AKAP6: variants seen among roughly 807,000 people sequenced by gnomAD.
AKAP6 encodes A-kinase anchor protein 6.
Under a neutral mutation model 188.5 loss-of-function variants are expected in AKAP6, and 58 were observed. The observed-to-expected ratio is 0.31, with a 90% CI of 0.25 to 0.38. AKAP6 has a LOEUF of 0.38. Ranked by LOEUF, AKAP6 falls within the 10% of genes least tolerant of loss-of-function variation. AKAP6 has a pLI of 1.00. For missense variants in AKAP6, 2,710 were observed against 2,740.0 expected (o/e 0.99, Z 0.24); for synonymous variants, 989 against 998.6 (o/e 0.99, Z 0.18).
At chr14:32,526,635 C>G (rs1237551780) in intron 2 of AKAP6, among the ~76,000 whole-genome samples, 1 of 152,210 alleles carries the variant, frequency 6.6e-6, no homozygotes, top group Non-Finnish European at 1.5e-5. Flanking sequence ...CGACCTTGGC[C>G]TCCCAAAGTG....
At chr14:32,555,638 T>C (rs1486610755) in intron 4 of AKAP6, among the ~76,000 whole-genome samples, 2 of 152,192 alleles carry the variant, frequency 1.3e-5, no homozygotes, top group South Asian at 2.1e-4. Context: ...AACATTCTAC[T>C]TTCTATCTCC....
chr14:32,711,639 A>G (rs1293988872), intron 9 of AKAP6, among the ~76,000 whole-genome samples: 1 of 152,100 alleles, frequency 6.6e-6, no homozygotes, highest in Non-Finnish European at 1.5e-5. Context: ...AAGGCCAAAG[A>G]GGCTCAGATC....
chr14:32,811,988 A>C (rs1411516250), intron 12 of AKAP6, among the ~76,000 whole-genome samples: 2 of 152,190 alleles, frequency 1.3e-5, no homozygotes, highest in African/African-American at 4.8e-5. Context: ...GTAGGTTTTA[A>C]AAAATGTAAG....
chr14:32,331,351 A>C lies in AKAP6; in HGVS notation c.-35+1943A>C, dbSNP rs73254606. 9.6e-3 allele frequency among the ~76,000 whole-genome samples: 1,467 copies of C among 152,170 alleles called. 26 individuals are homozygous for C. Among genetic ancestry groups the C allele is most frequent in the African/African-American group, 0.034 (1,400 of 41,534 alleles). On this transcript the variant is annotated intron_variant, in intron 1 of 13. Transcript: ENST00000280979. ...AGCTAGATTCCTTAAGGGCAGTGTT[A>C]GAAAAAGTGGAGTCATGCTTTGAGG...
chr14:32,709,790 T>C (rs1173271219), intron 9 of AKAP6, among the ~76,000 whole-genome samples: 2 of 152,092 alleles, frequency 1.3e-5, no homozygotes, highest in Non-Finnish European at 2.9e-5. Flanking sequence ...GAATCCATGC[T>C]CTGTAACTAG....
chr14:32,691,416 C>T (rs888876105), intron 8 of AKAP6, among the ~76,000 whole-genome samples: 1 of 152,170 alleles, frequency 6.6e-6, no homozygotes, highest in Non-Finnish European at 1.5e-5. Flanking sequence ...TCAAAAAACA[C>T]ACCTTTGCAG....
chr14:32,348,417 CTT>C (rs71115063), intron 1 of AKAP6, among the ~76,000 whole-genome samples: 135 of 126,158 alleles, frequency 1.1e-3, no homozygotes, highest in South Asian at 3.7e-3. Flanking sequence ...TCTTTTGTTT[CTT>C]TTTTTTTTTT....
At position 32,837,416 on chromosome 14, in the gene AKAP6, G is replaced by A. The variant is rs981320954; in HGVS notation, c.*7611G>A. The A allele has an allele frequency of 6.6e-6, 1 of 152,108 alleles. No individual in the cohort carries two copies. The highest frequency in any genetic ancestry group is 2.4e-5 in the African/African-American group (1 of 41,434). The allele number at this position is 152,108 out of a possible 1,614,324, so 9.4% of individuals were successfully genotyped here. A position where few individuals can be genotyped will look rare whatever the true frequency, so the allele number is the denominator to read the frequency against. On this transcript the variant is annotated 3_prime_UTR_variant, in exon 14 of 14. Transcript: ENST00000280979. ...ATTCAAGGACTTAAAATGATTGAAG[G>A]CATTAGGAACATAAAAATGCATAAG... is the stretch of plus-strand genomic sequence containing the variant.
intron 2 of AKAP6, among the ~76,000 whole-genome samples, chr14:32,457,468 G>A (rs2138807253): frequency 1.3e-5 from 2 of 152,266 alleles, no homozygotes; most frequent in East Asian, 3.9e-4. Flanking sequence ...CAAATATGGT[G>A]AGAGTATTCC....
intron 8 of AKAP6, among the ~76,000 whole-genome samples, chr14:32,683,749 G>A (rs1244210254): frequency 6.6e-6 from 1 of 152,184 alleles, no homozygotes; most frequent in African/African-American, 2.4e-5. Flanking sequence ...ACTAAGTGAT[G>A]CCCAGCATGA....
intron 7 of AKAP6, among the ~76,000 whole-genome samples, chr14:32,658,249 C>A (rs1888536006): frequency 6.6e-6 from 1 of 152,080 alleles, no homozygotes; most frequent in African/African-American, 2.4e-5. Flanking sequence ...TCCTGCCTTG[C>A]AAATGATCAT....
At chr14:32,634,548 C>A (rs958164543) in intron 7 of AKAP6, among the ~76,000 whole-genome samples, 1 of 152,042 alleles carries the variant, frequency 6.6e-6, no homozygotes, top group Non-Finnish European at 1.5e-5. Flanking sequence ...TGAGTTAAAC[C>A]TACTCTGTAT....
At chr14:32,701,428 C>T (rs1310601891) in intron 9 of AKAP6, among the ~76,000 whole-genome samples, 1 of 151,924 alleles carries the variant, frequency 6.6e-6, no homozygotes, top group African/African-American at 2.4e-5. Context: ...ATAATACTTC[C>T]TTTGAAGAAA....
At chr14:32,787,503 A>T (rs998156717) in intron 12 of AKAP6, among the ~76,000 whole-genome samples, 37 of 150,324 alleles carry the variant, frequency 2.5e-4, no homozygotes, top group Non-Finnish European at 4.3e-4. Context: ...GAACAAAAAT[A>T]GATCTAGATT....
intron 5 of AKAP6, among the ~76,000 whole-genome samples, chr14:32,583,984 T>C (rs1017929335): frequency 6.6e-6 from 1 of 152,216 alleles, no homozygotes; most frequent in East Asian, 1.9e-4. Context: ...CTGCACCCAC[T>C]GTCCTGCGCC....
intron 11 of AKAP6, among the ~76,000 whole-genome samples, chr14:32,736,341 A>G (rs191337707): frequency 2.6e-5 from 4 of 152,308 alleles, no homozygotes; most frequent in African/African-American, 9.6e-5. Context: ...CTATTTATGG[A>G]GGGAAGAAAT....
At chr14:32,378,663 G>A (rs2138542107) in intron 1 of AKAP6, among the ~76,000 whole-genome samples, 1 of 152,264 alleles carries the variant, frequency 6.6e-6, no homozygotes, top group Non-Finnish European at 1.5e-5. Flanking sequence ...AAACTGGTTT[G>A]ATTTATTTTC....
In AKAP6 at chr14:32,477,424, C is replaced by A. The variant is rs574789093; in HGVS notation, c.324+43607C>A. On this transcript the variant is annotated intron_variant, in intron 2 of 13. Coordinates refer to ENST00000280979, the MANE Select transcript of AKAP6 (RefSeq NM_004274.5). ...GGGGTGTGGGAGAGAGGATAGCAGG[C>A]CCTTAAGAGGGGTCCTGGGTCCATC... 2.0e-5 allele frequency among the ~76,000 whole-genome samples: 3 copies of A among 152,132 alleles called. No individual in the cohort carries two copies. The South Asian group carries it at 6.3e-4, about 32-fold the overall frequency.
At chr14:32,814,303 G>A (rs758385454) in intron 12 of AKAP6, among the ~76,000 whole-genome samples, 4 of 152,246 alleles carry the variant, frequency 2.6e-5, no homozygotes, top group South Asian at 2.1e-4. Flanking sequence ...TTTAAAGTGA[G>A]CAGTTCTGTG....
Sources: allele counts gnomAD v4.1 joint callset (sites outside exome capture counted in the v4.1 genomes callset), GRCh38; gene constraint gnomAD v4.1.1; transcripts MANE v1.5; gene names NCBI Gene and HGNC (gene_info 2026-07-23, HGNC 2026-07-21).